The following APOBEC2 variants were observed in gnomAD, a reference collection of about 807,000 sequenced individuals.
APOBEC2 encodes apolipoprotein B mRNA editing enzyme catalytic subunit 2.
In APOBEC2, 14 loss-of-function variants were observed where a neutral mutation model predicts 19.4. The observed-to-expected ratio is 0.72, with a 90% CI of 0.48 to 1.13. The LOEUF is 1.13. Ranked by LOEUF, APOBEC2 falls within the 50% of genes most tolerant of loss-of-function variation. APOBEC2 has a pLI of 0.00. For synonymous variants in APOBEC2, 127 were observed against 112.1 expected (o/e 1.13, Z -0.84); for missense variants, 304 against 277.0 (o/e 1.10, Z -0.69).
At chr6:41,059,298 G>A (rs1762844217) in intron 1 of APOBEC2, among the ~76,000 whole-genome samples, 1 of 152,184 alleles carries the variant, frequency 6.6e-6, no homozygotes, top group Non-Finnish European at 1.5e-5. Flanking sequence ...CATATAGGTG[G>A]CCCTGGATTA....
Position 41,063,494 on chromosome 6 carries a change from G to C in APOBEC2, c.*22-607G>C, listed in dbSNP as rs1225379180. Among the ~76,000 whole-genome samples the C allele has an allele frequency of 1.4e-5, 2 of 142,930 alleles. 1 individual carries two copies. The highest frequency in any genetic ancestry group is 7.2e-3 in the Middle Eastern group (2 of 278). 93.8% of individuals were successfully genotyped at this position (142,930 alleles called of 152,430 possible). On this transcript the variant is annotated intron_variant, in intron 2 of 2. Transcript: ENST00000244669. Reference sequence around the variant, plus strand: ...ATATTTTCCTTTCAGACATCTTTCAGAGTCAAGGGCCCAGGTGCCTAACTA... The same window carrying C: ...ATATTTTCCTTTCAGACATCTTTCACAGTCAAGGGCCCAGGTGCCTAACTA...
At chr6:41,053,769 C>T (rs1234589548) in intron 1 of APOBEC2, among the ~76,000 whole-genome samples, 1 of 152,090 alleles carries the variant, frequency 6.6e-6, no homozygotes, top group Non-Finnish European at 1.5e-5. Context: ...TTGGGATGGC[C>T]ACCTGCCTCT....
chr6:41,061,479 G>A lies in APOBEC2; in HGVS notation c.283G>A (p.Ala95Thr). Reference protein sequence around the residue: ...ASRGYLEDEHAAAHAEEAFFN... With the variant: ...ASRGYLEDEHTAAHAEEAFFN... ...TCGGGGATACCTAGAGGATGAGCAT[G>A]CGGCTGCCCATGCAGAGGAAGCTTT... The change falls in exon 2 of 3, where the codon GCG becomes ACG. Residue 95 changes from alanine (A) to threonine (T), a missense_variant. Ala to Thr is a moderately conservative substitution (Grantham distance 58, BLOSUM62 0). Coordinates refer to ENST00000244669, the MANE Select transcript of APOBEC2 (RefSeq NM_006789.4). The A allele has an allele frequency of 1.2e-6, 2 of 1,613,940 alleles. No individual in the cohort carries two copies. Among genetic ancestry groups the A allele is most frequent in the Non-Finnish European group, 1.7e-6 (2 of 1,179,900 alleles).
At chr6:41,054,317 G>GA (rs750758491) in intron 1 of APOBEC2, among the ~76,000 whole-genome samples, 1 of 152,178 alleles carries the variant, frequency 6.6e-6, no homozygotes, top group Non-Finnish European at 1.5e-5. Context: ...AATAAAAAGA[G>GA]AATCTATGAG....
At chr6:41,057,863 C>T (rs952326279) in intron 1 of APOBEC2, among the ~76,000 whole-genome samples, 1 of 152,198 alleles carries the variant, frequency 6.6e-6, no homozygotes, top group South Asian at 2.1e-4. Context: ...CTTCTCCCTC[C>T]ATCAAGCAGA....
At chr6:41,053,522 G>T in intron 1 of APOBEC2, 44 bp downstream of exon 1, 1 of 1,610,330 alleles carries the variant, frequency 6.2e-7, no homozygotes, top group Middle Eastern at 1.7e-4. Context: ...CTAGAAGAGT[G>T]CAGCCTTGGG....
In APOBEC2 at chr6:41,061,653, C is replaced by T. The variant is rs761447242; in HGVS notation, c.457C>T (p.Arg153Ter). The change falls in exon 2 of 3, where the codon CGA becomes TGA. Residue 153 changes from arginine to a stop codon, truncating the protein, a stop_gained. Coordinates refer to ENST00000244669, the MANE Select transcript of APOBEC2 (RefSeq NM_006789.4). LOFTEE classifies it high-confidence loss of function. Reference protein sequence around the residue: ...KNLRLLILVGRLFMWEEPEIQ... With the variant: ...KNLRLLILVG ...CCTGCGTCTGCTCATTCTGGTGGGT[C>T]GACTCTTCATGTGGGAGGAGCCGGA... The T allele has an allele frequency of 5.0e-6, 8 of 1,614,198 alleles. No homozygotes were observed. Among genetic ancestry groups the T allele is most frequent in the African/African-American group, 1.3e-5 (1 of 75,048 alleles).
chr6:41,059,678 G>A (rs1023377750), intron 1 of APOBEC2, among the ~76,000 whole-genome samples: 17 of 152,190 alleles, frequency 1.1e-4, no homozygotes, highest in Admixed American at 5.9e-4. Context: ...CTGACAGCAC[G>A]GGACATGGAA....
rs957548709 is a variant in APOBEC2 at position 41,061,316 on chromosome 6, C to A, written c.132-12C>A. On this transcript the variant is annotated splice_polypyrimidine_tract_variant and intron_variant, in intron 1 of 2. Transcript: ENST00000244669. ...TCATTCTTTCCTGTCCTTTTGTCTC[C>A]TTGACCTACAGAGAACGGCTGCCTG... 32 of 1,518,834 alleles carry A rather than the reference C, an allele frequency of 2.1e-5. No homozygotes were observed. Among genetic ancestry groups the A allele is most frequent in the Non-Finnish European group, 2.7e-5 (31 of 1,134,468 alleles). The allele number at this position is 1,518,834 out of a possible 1,614,324, so 94.1% of individuals were successfully genotyped here.
chr6:41,064,441 T>C lies in APOBEC2; in HGVS notation c.*362T>C, dbSNP rs907843876. The stretch of plus-strand genomic sequence containing the variant: ...ACCCGAGGTTTAGATTTCTGAAATA[T>C]GCATTTTATGTTAAGTTGGGTATTT... On this transcript the variant is annotated 3_prime_UTR_variant, in exon 3 of 3. Transcript: ENST00000244669. 2 of 152,286 alleles carry C rather than the reference T, an allele frequency of 1.3e-5. No homozygotes were observed. The highest frequency in any genetic ancestry group is 3.4e-3 in the Middle Eastern group (1 of 294). The allele number at this position is 152,286 out of a possible 1,614,324, so 9.4% of individuals were successfully genotyped here. A position where few individuals can be genotyped will look rare whatever the true frequency, so the allele number is the denominator to read the frequency against.
chr6:41,061,770 G>A lies in APOBEC2; in HGVS notation c.574G>A (p.Val192Met). ...QDFEYVWQNF[V>M]EQEEGESKAF... Reference sequence around the variant, plus strand: ...CTTCGAATATGTCTGGCAGAATTTTGTGGAGCAAGAAGAGGGTGAATCCAA... The same window carrying A: ...CTTCGAATATGTCTGGCAGAATTTTATGGAGCAAGAAGAGGGTGAATCCAA... The change falls in exon 2 of 3, where the codon GTG becomes ATG. Residue 192 changes from valine to methionine, a missense_variant. By Grantham distance (21) the Val-to-Met change is conservative. Transcript: ENST00000244669. 3.7e-6 allele frequency: 6 copies of A among 1,614,222 alleles called. No homozygotes were observed. The highest frequency in any genetic ancestry group is 4.2e-6 in the Non-Finnish European group (5 of 1,180,042).
intron 1 of APOBEC2, among the ~76,000 whole-genome samples, chr6:41,058,593 G>A (rs889484767): frequency 7.2e-5 from 11 of 152,124 alleles, no homozygotes; most frequent in African/African-American, 2.7e-4. Flanking sequence ...CCACTAGTGG[G>A]CATAATAGTG....
chr6:41,062,096 T>G (rs1418728338), intron 2 of APOBEC2, among the ~76,000 whole-genome samples: 1 of 152,250 alleles, frequency 6.6e-6, no homozygotes, highest in Non-Finnish European at 1.5e-5. Flanking sequence ...CACTTTTGTA[T>G]CAAAGTAACT....
rs896901241 is a variant in APOBEC2 at position 41,064,874 on chromosome 6, T to C, written c.*795T>C. 18 of 152,030 alleles carry C rather than the reference T, an allele frequency of 1.2e-4. No homozygotes were observed. Among genetic ancestry groups the C allele is most frequent in the African/African-American group, 4.1e-4 (17 of 41,364 alleles). The allele number at this position is 152,030 out of a possible 1,614,324, so 9.4% of individuals were successfully genotyped here. ...TCATTTAAAAGTATTCAATACATGG[T>C]GTTTGATGGTAATGGCAGGATGATG... On this transcript the variant is annotated 3_prime_UTR_variant, in exon 3 of 3. Coordinates refer to ENST00000244669, the MANE Select transcript of APOBEC2 (RefSeq NM_006789.4).
rs375076306 is a variant in APOBEC2 at position 41,058,151 on chromosome 6, CCACACA to C, written c.132-3145_132-3140del. On this transcript the variant is annotated intron_variant, in intron 1 of 2. Coordinates refer to ENST00000244669, the MANE Select transcript of APOBEC2 (RefSeq NM_006789.4). Reference sequence around the variant, plus strand: ...CACCACCCACCACCACCACCCCACCCCACACACACACACACACACACACACACACAC... The same window carrying C: ...CACCACCCACCACCACCACCCCACCCCACACACACACACACACACACACAC... Among the ~76,000 whole-genome samples the C allele has an allele frequency of 3.3e-4, 23 of 69,072 alleles. No individual in the cohort carries two copies. In the South Asian group the frequency reaches 4.0e-3, roughly 12 times the overall value. 45.3% of individuals were successfully genotyped at this position (69,072 alleles called of 152,430 possible). A position where few individuals can be genotyped will look rare whatever the true frequency, so the allele number is the denominator to read the frequency against.
chr6:41,056,934 G>A (rs73425289), intron 1 of APOBEC2, among the ~76,000 whole-genome samples: 2 of 152,228 alleles, frequency 1.3e-5, no homozygotes, highest in Middle Eastern at 3.4e-3. Flanking sequence ...GACACAGCAC[G>A]TTTTAGTAGA....
At chr6:41,061,964 G>C (rs1438496566) in intron 2 of APOBEC2, 72 bp downstream of exon 2, 2 of 1,360,552 alleles carry the variant, frequency 1.5e-6, no homozygotes, top group Admixed American at 4.5e-5. Flanking sequence ...AGGTCAGGTA[G>C]AATCTGTGAT....
rs1561837132 is a variant in APOBEC2, at chr6:41,058,151, C to CACACACA, written c.132-3177_132-3176insACACACA. Among the ~76,000 whole-genome samples, 7 of 69,080 alleles carry CACACACA rather than the reference C, an allele frequency of 1.0e-4. 1 individual carries two copies. In the South Asian group the frequency reaches 2.2e-3, roughly 22 times the overall value. 45.3% of individuals were successfully genotyped at this position (69,080 alleles called of 152,430 possible). A position where few individuals can be genotyped will look rare whatever the true frequency, so the allele number is the denominator to read the frequency against. ...CACCACCCACCACCACCACCCCACC[C>CACACACA]CACACACACACACACACACACACAC... On this transcript the variant is annotated intron_variant, in intron 1 of 2. Transcript: ENST00000244669.
At chr6:41,057,555 C>G (rs1444465205) in intron 1 of APOBEC2, among the ~76,000 whole-genome samples, 1 of 152,186 alleles carries the variant, frequency 6.6e-6, no homozygotes. Flanking sequence ...TATGCCCACT[C>G]CTTGGTATCC....
Sources: allele counts gnomAD v4.1 joint callset (sites outside exome capture counted in the v4.1 genomes callset), GRCh38; gene constraint gnomAD v4.1.1; transcripts MANE v1.5; gene names NCBI Gene and HGNC (gene_info 2026-07-23, HGNC 2026-07-21).